The following EBF4 variants were observed in gnomAD, a reference collection of about 807,000 sequenced individuals.
The protein encoded by EBF4 is EBF transcription factor 4, also known as transcription factor COE4.
Under a neutral mutation model 67.1 loss-of-function variants are expected in EBF4, and 34 were observed. The ratio of observed to expected loss-of-function variants is 0.51; its 90% CI spans 0.39 to 0.67. EBF4 has a LOEUF of 0.67. EBF4 is among the 30% of genes least tolerant of loss of function. The pLI is 0.00. For synonymous variants in EBF4, 387 were observed against 377.7 expected, an observed-to-expected ratio of 1.02 and a Z score of -0.29; for missense variants, 837 against 873.3, an observed-to-expected ratio of 0.96 and a Z score of 0.52.
intron 6 of EBF4, among the ~76,000 whole-genome samples, chr20:2,713,425 T>A (rs2087568675): frequency 6.6e-6 from 1 of 151,964 alleles, no homozygotes; most frequent in African/African-American, 2.4e-5. Context: ...AAGATAAGGA[T>A]AGAGAGGGAG....
At chr20:2,750,019 A>C in intron 10 of EBF4, 46 bp downstream of exon 10, 1 of 1,508,660 alleles carries the variant, frequency 6.6e-7, no homozygotes, top group Non-Finnish European at 8.9e-7. Flanking sequence ...GCGCGGAGGG[A>C]GCCCCACCCT....
At chr20:2,735,224 G>A (rs763685864) in intron 6 of EBF4, among the ~76,000 whole-genome samples, 1 of 152,168 alleles carries the variant, frequency 6.6e-6, no homozygotes, top group South Asian at 2.1e-4. Context: ...TGCTAGAAAG[G>A]TTAAAGAGTG....
At chr20:2,695,757 C>T (rs2087279745) in intron 1 of EBF4, among the ~76,000 whole-genome samples, 1 of 152,202 alleles carries the variant, frequency 6.6e-6, no homozygotes, top group African/African-American at 2.4e-5. Flanking sequence ...AATGAAAATT[C>T]CTCCCCCTGG....
chr20:2,730,789 T>C (rs2087803512), intron 6 of EBF4, among the ~76,000 whole-genome samples: 1 of 152,212 alleles, frequency 6.6e-6, no homozygotes, highest in Non-Finnish European at 1.5e-5. Context: ...GCTCTGCTGG[T>C]AGAAAGCATT....
intron 6 of EBF4, among the ~76,000 whole-genome samples, chr20:2,731,669 T>C (rs1299933555): frequency 6.6e-6 from 1 of 152,340 alleles, no homozygotes; most frequent in African/African-American, 2.4e-5. Flanking sequence ...CCACTTCTAC[T>C]GTCCTTCTTC....
At chr20:2,746,427 T>G (rs904535398) in intron 6 of EBF4, among the ~76,000 whole-genome samples, 2 of 152,032 alleles carry the variant, frequency 1.3e-5, no homozygotes, top group African/African-American at 2.4e-5. Flanking sequence ...GTGCCCACTG[T>G]GGGGGAACAT....
Position 2,755,492 on chromosome 20 carries a change from T to G in EBF4, c.1541-135T>G. On this transcript the variant is annotated intron_variant, in intron 14 of 16. Transcript: ENST00000609451. This position sits in a 1 kb window ranked among gnomAD's most constrained non-coding sequence, Gnocchi z 4.7. ...GGCCCAGGACCCTCACAGCTCCCAG[T>G]GAGATCTGAGCCTGGTACCTGTGTC... The G allele has an allele frequency of 2.7e-5, 17 of 625,738 alleles. No homozygotes were observed. Among genetic ancestry groups the G allele is most frequent in the Non-Finnish European group, 3.5e-5 (12 of 346,634 alleles). The allele number at this position is 625,738 out of a possible 1,614,324, so 38.8% of individuals were successfully genotyped here. A position where few individuals can be genotyped will look rare whatever the true frequency, so the allele number is the denominator to read the frequency against.
intron 10 of EBF4, among the ~76,000 whole-genome samples, chr20:2,750,321 G>A (rs934208711): frequency 2.6e-5 from 4 of 152,178 alleles, no homozygotes; most frequent in Admixed American, 2.0e-4. Context: ...CCAAAGGGAT[G>A]TTTATTCCAA....
At chr20:2,710,563 G>GTTT (rs11475156) in intron 6 of EBF4, among the ~76,000 whole-genome samples, 5 of 147,170 alleles carry the variant, frequency 3.4e-5, no homozygotes, top group African/African-American at 1.2e-4. Context: ...TACTGTACAT[G>GTTT]TTTTTTTTTT....
At chr20:2,709,525 C>A (rs1481421618) in intron 5 of EBF4, 49 bp from the exon 6 acceptor site, 1 of 1,516,034 alleles carries the variant, frequency 6.6e-7, no homozygotes, top group Non-Finnish European at 8.9e-7. Flanking sequence ...TGTCGTGGCC[C>A]CCTCCTTCCT....
chr20:2,696,005 C>T lies in EBF4; in HGVS notation c.137+2223C>T, dbSNP rs769016498. 1.3e-5 allele frequency among the ~76,000 whole-genome samples: 2 copies of T among 152,212 alleles called. No individual in the cohort carries two copies. Among genetic ancestry groups the T allele is most frequent in the African/African-American group, 2.4e-5 (1 of 41,446 alleles). On this transcript the variant is annotated intron_variant, in intron 1 of 16. Coordinates refer to ENST00000609451, the Ensembl canonical transcript of EBF4. This position sits in a 1 kb window ranked among gnomAD's most constrained non-coding sequence, Gnocchi z 4.7. ...GCAATGAAACCCCCTGGCCCTCCAC[C>T]CGCTTCCTCCCTGGCTTGAAGGTTA... is the stretch of plus-strand genomic sequence containing the variant.
chr20:2,740,528 G>C (rs903684800), intron 6 of EBF4, among the ~76,000 whole-genome samples: 1 of 152,144 alleles, frequency 6.6e-6, no homozygotes, highest in Non-Finnish European at 1.5e-5. Context: ...AGCTCTTTGA[G>C]TTACTGACAG....
chr20:2,748,129 A>T (rs1225020437), intron 6 of EBF4, among the ~76,000 whole-genome samples: 1 of 152,174 alleles, frequency 6.6e-6, no homozygotes, highest in Non-Finnish European at 1.5e-5. Flanking sequence ...ATAACATTAC[A>T]TGGGGTATGT....
At chr20:2,697,583 G>C (rs1221882776) in intron 1 of EBF4, among the ~76,000 whole-genome samples, 1 of 151,678 alleles carries the variant, frequency 6.6e-6, no homozygotes, top group South Asian at 2.1e-4. Flanking sequence ...GGTAGGGAGA[G>C]CAGAGGGGCT....
At chr20:2,729,549 C>G (rs1196439280) in intron 6 of EBF4, among the ~76,000 whole-genome samples, 1 of 152,174 alleles carries the variant, frequency 6.6e-6, no homozygotes, top group Non-Finnish European at 1.5e-5. Context: ...AGACACACCC[C>G]ACACTTCCTC....
chr20:2,692,909 C>G (rs1202936704), upstream of EBF4: 1 of 145,620 alleles, frequency 6.9e-6, no homozygotes, highest in African/African-American at 2.5e-5. The surrounding 1 kb of genome is among the most constrained non-coding windows in gnomAD (Gnocchi z 6.4). Flanking sequence ...GGGAACCGGG[C>G]CCCGGGGGGA....
chr20:2,716,992 A>C (rs1422451205), intron 6 of EBF4, among the ~76,000 whole-genome samples: 2 of 152,104 alleles, frequency 1.3e-5, no homozygotes, highest in Non-Finnish European at 2.9e-5. Flanking sequence ...TAAACACCAC[A>C]CTCCTCTTAG....
Position 2,726,952 on chromosome 20 carries a change from G to A in EBF4, c.557+17310G>A, listed in dbSNP as rs540921617. ...CCCCATCTCCCTCTCCCCCCAGCCC[G>A]TAGTAGCTGCCATCCTACCCTCTGT... On this transcript the variant is annotated intron_variant, in intron 6 of 16. Coordinates refer to ENST00000609451, the Ensembl canonical transcript of EBF4. 1.8e-4 allele frequency among the ~76,000 whole-genome samples: 27 copies of A among 152,082 alleles called. No homozygotes were observed. The South Asian group carries it at 2.5e-3, about 14-fold the overall frequency.
At chr20:2,695,325 A>AAGG (rs1263000338) in intron 1 of EBF4, among the ~76,000 whole-genome samples, 2 of 152,076 alleles carry the variant, frequency 1.3e-5, no homozygotes, top group Non-Finnish European at 2.9e-5. Context: ...AGCAGACGTG[A>AAGG]AGGAGGCAGT....
Sources: allele counts gnomAD v4.1 joint callset (sites outside exome capture counted in the v4.1 genomes callset), GRCh38; gene constraint gnomAD v4.1.1; non-coding constraint Gnocchi (gnomAD v3.1); transcripts MANE v1.5; gene names NCBI Gene and HGNC (gene_info 2026-07-23, HGNC 2026-07-21).